Variants in PDE4D observed in about 807,000 individuals in gnomAD.
PDE4D encodes phosphodiesterase 4D.
Under a neutral mutation model 87.4 loss-of-function variants are expected in PDE4D, and 24 were observed. The observed-to-expected ratio is 0.27, with a 90% CI of 0.20 to 0.39. PDE4D has a LOEUF of 0.39. Among genes scored for constraint, PDE4D ranks in the 10% least tolerant of loss-of-function variants. The probability of loss-of-function intolerance (pLI) is 1.00; values close to 1 mark genes in which losing one functional copy is unlikely to be tolerated. For synonymous variants in PDE4D, 384 were observed against 383.2 expected, an observed-to-expected ratio of 1.00 and a Z score of -0.02; for missense variants, 714 against 1,041.0, an observed-to-expected ratio of 0.69 and a Z score of 4.32.
chr5:59,205,746 T>C (rs1748644809), intron 2 of PDE4D, among the ~76,000 whole-genome samples: 2 of 150,964 alleles, frequency 1.3e-5, no homozygotes, highest in South Asian at 2.1e-4. Flanking sequence ...ACAAATTCAA[T>C]TTGAAGTTCT....
At chr5:60,191,638 A>G (rs1785206507) in intron 1 of PDE4D, among the ~76,000 whole-genome samples, 1 of 152,168 alleles carries the variant, frequency 6.6e-6, no homozygotes, top group African/African-American at 2.4e-5. Flanking sequence ...AAAACAAACT[A>G]ATAATACAGG....
At chr5:59,685,917 G>A (rs1321181089) in intron 1 of PDE4D, among the ~76,000 whole-genome samples, 1 of 150,712 alleles carries the variant, frequency 6.6e-6, no homozygotes, top group Non-Finnish European at 1.5e-5. Context: ...CATCTGCACA[G>A]AGTTTCAAAA....
chr5:59,092,973 T>G (rs1399707630), intron 5 of PDE4D, among the ~76,000 whole-genome samples: 1 of 152,164 alleles, frequency 6.6e-6, no homozygotes, highest in African/African-American at 2.4e-5. Flanking sequence ...ATCTTCTTTC[T>G]CTTTTACTGA....
At chr5:59,310,715 T>C (rs1296714395) in intron 1 of PDE4D, among the ~76,000 whole-genome samples, 2 of 152,226 alleles carry the variant, frequency 1.3e-5, no homozygotes, top group African/African-American at 4.8e-5. Flanking sequence ...TCCCTTATTT[T>C]CTACCATTCC....
chr5:60,328,706 G>T (rs896149330), intron 1 of PDE4D, among the ~76,000 whole-genome samples: 1 of 152,158 alleles, frequency 6.6e-6, no homozygotes. Context: ...ACATAGGTAA[G>T]CATATGTTCT....
intron 1 of PDE4D, among the ~76,000 whole-genome samples, chr5:59,857,472 T>C (rs1166793170): frequency 6.6e-6 from 1 of 152,140 alleles, no homozygotes; most frequent in African/African-American, 2.4e-5. Context: ...ATACTTGAAT[T>C]TTTTCACCTC....
chr5:59,264,154 G>A (rs1762468405), intron 1 of PDE4D, among the ~76,000 whole-genome samples: 1 of 151,930 alleles, frequency 6.6e-6, no homozygotes, highest in Non-Finnish European at 1.5e-5. Context: ...CATTTAAATG[G>A]CAAGCAGCCA....
intron 6 of PDE4D, among the ~76,000 whole-genome samples, chr5:59,025,114 C>T (rs1755962971): frequency 1.3e-5 from 2 of 151,918 alleles, no homozygotes; most frequent in Non-Finnish European, 2.9e-5. Flanking sequence ...AGTCTTTAGC[C>T]TCTTTTGTGA....
intron 6 of PDE4D, among the ~76,000 whole-genome samples, chr5:59,034,854 C>T (rs1425088434): frequency 6.6e-6 from 1 of 152,216 alleles, no homozygotes; most frequent in East Asian, 1.9e-4. Flanking sequence ...CATGCCAAAC[C>T]TCAAACTGCC....
chr5:59,200,707 ACACG>A (rs1451644610), intron 2 of PDE4D, among the ~76,000 whole-genome samples: 8 of 129,732 alleles, frequency 6.2e-5, no homozygotes, highest in Admixed American at 1.5e-4. Flanking sequence ...ATGTATAGAT[ACACG>A]TATACATACA....
intron 1 of PDE4D, among the ~76,000 whole-genome samples, chr5:59,758,073 G>T (rs1217050684): frequency 6.6e-6 from 1 of 152,140 alleles, no homozygotes; most frequent in Non-Finnish European, 1.5e-5. Context: ...TAACAAATGT[G>T]AATGTGATTC....
chr5:59,561,504 A>C (rs990627545), intron 1 of PDE4D, among the ~76,000 whole-genome samples: 9 of 152,232 alleles, frequency 5.9e-5, no homozygotes, highest in Non-Finnish European at 1.2e-4. Context: ...CGTTTTGCTT[A>C]TGGATTTACT....
chr5:60,495,139 C>A (rs997208308), intron 1 of PDE4D, among the ~76,000 whole-genome samples: 5 of 152,146 alleles, frequency 3.3e-5, no homozygotes, highest in Non-Finnish European at 7.3e-5. Flanking sequence ...GCCTCAAAAG[C>A]AATTTGGCCA....
Position 60,396,894 on chromosome 5 carries a change from C to T in PDE4D, c.-90+91048G>A, listed in dbSNP as rs376084343. 8.5e-5 allele frequency among the ~76,000 whole-genome samples: 13 copies of T among 152,296 alleles called. No homozygotes were observed. The East Asian group carries it at 1.3e-3, about 16-fold the overall frequency. ...AAAGCCTTCAACAGCCAAATTCAGA[C>T]GTGGACCTCAAGGTAGGTTGGGAAT... On this transcript the variant is annotated intron_variant, in intron 1 of 16. Transcript: ENST00000502484.
intron 5 of PDE4D, among the ~76,000 whole-genome samples, chr5:59,152,348 G>T (rs1314240534): frequency 7.1e-6 from 1 of 141,402 alleles, no homozygotes; most frequent in African/African-American, 2.7e-5. Context: ...GAAAAGAAAT[G>T]TATTTCTGCT....
At chr5:59,289,079 C>T (rs1767519172) in intron 1 of PDE4D, among the ~76,000 whole-genome samples, 1 of 152,006 alleles carries the variant, frequency 6.6e-6, no homozygotes, top group African/African-American at 2.4e-5. Context: ...ATGTAAACAA[C>T]TCATATCTTA....
rs1752914752 is a variant in PDE4D at position 59,703,510 on chromosome 5, G to A, written c.455+189658C>T. 1.5e-5 allele frequency: 8 copies of A among 523,872 alleles called. 1 individual carries two copies. Among genetic ancestry groups the A allele is most frequent in the South Asian group, 1.1e-4 (8 of 69,926 alleles). 32.5% of individuals were successfully genotyped at this position (523,872 alleles called of 1,614,324 possible). On this transcript the variant is annotated intron_variant, in intron 1 of 14. Coordinates refer to ENST00000340635, the MANE Select transcript of PDE4D (RefSeq NM_001104631.2). ...TACAAATTGATGATAATTCAAAAAG[G>A]CACCATGTAGCTTGTACTTGAGAAG... is the stretch of plus-strand genomic sequence containing the variant.
chr5:59,600,111 C>T, intron 1 of PDE4D, among the ~76,000 whole-genome samples: 1 of 152,170 alleles, frequency 6.6e-6, no homozygotes, highest in South Asian at 2.1e-4. Flanking sequence ...GTGGTTCCAT[C>T]CCTACCAACT....
At chr5:60,318,000 G>T (rs1449367735) in intron 1 of PDE4D, among the ~76,000 whole-genome samples, 3 of 152,168 alleles carry the variant, frequency 2.0e-5, no homozygotes, top group Admixed American at 1.3e-4. Flanking sequence ...ATGTCTATTA[G>T]GTCTGCTTGG....
Sources: allele counts gnomAD v4.1 joint callset (sites outside exome capture counted in the v4.1 genomes callset), GRCh38; gene constraint gnomAD v4.1.1; transcripts MANE v1.5; gene names NCBI Gene and HGNC (gene_info 2026-07-23, HGNC 2026-07-21).